Variants in NIBAN2 observed in about 807,000 individuals in gnomAD.
The protein encoded by NIBAN2 is niban apoptosis regulator 2.
In NIBAN2, 36 loss-of-function variants were observed where a neutral mutation model predicts 81.8. The observed-to-expected ratio is 0.44, with a 90% confidence interval of 0.34 to 0.58. NIBAN2 has a LOEUF of 0.58. Ranked by LOEUF, NIBAN2 falls within the 20% of genes least tolerant of loss-of-function variation. The probability of loss-of-function intolerance (pLI) is 0.02; values close to 1 mark genes in which losing one functional copy is unlikely to be tolerated. For synonymous variants in NIBAN2, 445 were observed against 441.6 expected (o/e 1.01, Z -0.10); for missense variants, 897 against 1,014.1 (o/e 0.88, Z 1.57).
Position 127,517,293 on chromosome 9 carries a change from G to A in NIBAN2, c.706-77C>T. On this transcript the variant is annotated intron_variant, in intron 6 of 13. Coordinates refer to ENST00000373312, the MANE Select transcript of NIBAN2 (RefSeq NM_022833.4). This position sits in a 1 kb window ranked among gnomAD's most constrained non-coding sequence, Gnocchi z 4.0. ...CCTGTTTCTCTCTGCATTCCCACAA[G>A]CCAGGCCGCTGCAGCCCCCACCTCC... 1 of 1,282,332 alleles carries A rather than the reference G, an allele frequency of 7.8e-7. No homozygotes were observed. The highest frequency in any genetic ancestry group is 1.3e-5 in the South Asian group (1 of 78,578). The allele number at this position is 1,282,332 out of a possible 1,614,324, so 79.4% of individuals were successfully genotyped here. A position where few individuals can be genotyped will look rare whatever the true frequency, so the allele number is the denominator to read the frequency against.
At chr9:127,553,480 CA>C (rs1466293418) in intron 1 of NIBAN2, among the ~76,000 whole-genome samples, 3 of 152,212 alleles carry the variant, frequency 2.0e-5, no homozygotes, top group East Asian at 3.8e-4. Context: ...TGCCAGGTAC[CA>C]GGGGTGGCCC....
intron 8 of NIBAN2, among the ~76,000 whole-genome samples, chr9:127,514,875 T>C (rs1397355163): frequency 2.6e-5 from 4 of 152,166 alleles, no homozygotes; most frequent in Non-Finnish European, 5.9e-5. Flanking sequence ...AAGAATAACC[T>C]ACAGGAGACC....
chr9:127,523,008 C>G (rs1328485381), intron 5 of NIBAN2, among the ~76,000 whole-genome samples: 1 of 151,016 alleles, frequency 6.6e-6, no homozygotes, highest in Non-Finnish European at 1.5e-5. Context: ...CCTTGTTGCA[C>G]ACCCAGTGCC....
intron 1 of NIBAN2, among the ~76,000 whole-genome samples, chr9:127,564,225 G>A (rs530292107): frequency 1.6e-4 from 25 of 151,516 alleles, no homozygotes; most frequent in East Asian, 1.9e-4. Flanking sequence ...CCCAGGAGGC[G>A]GAGGTTGCAA....
intron 1 of NIBAN2, among the ~76,000 whole-genome samples, chr9:127,565,439 C>T (rs979132815): frequency 4.6e-5 from 7 of 152,032 alleles, no homozygotes; most frequent in South Asian, 4.1e-4. Flanking sequence ...TACTAAAAAC[C>T]GCTGAAGTGT....
intron 1 of NIBAN2, among the ~76,000 whole-genome samples, chr9:127,541,212 G>A (rs1260881274): frequency 6.6e-6 from 1 of 152,202 alleles, no homozygotes; most frequent in Non-Finnish European, 1.5e-5. Context: ...GGGCCACACA[G>A]CACATCCAAC....
chr9:127,514,979 C>A (rs1460607300), intron 8 of NIBAN2, among the ~76,000 whole-genome samples: 1 of 152,138 alleles, frequency 6.6e-6, no homozygotes, highest in Non-Finnish European at 1.5e-5. Context: ...GCCTGGGCAA[C>A]ACAGTAAGAC....
Position 127,510,237 on chromosome 9 carries a change from C to T in NIBAN2, c.1070G>A (p.Gly357Asp). The change falls in exon 9 of 14, where the codon GGC (glycine) becomes GAC (aspartate). Residue 357 changes from glycine to aspartate, a missense_variant. Physicochemically the swap from Gly to Asp is moderately conservative, Grantham distance 94. This residue lies in a region of NIBAN2 where 619 missense variants were observed against 691.0 expected (regional missense o/e 0.90). Transcript: ENST00000373312. ...LEALMVPTSQ[G>D]FTEVRDVFFK... ...GAAGACATCTCGCACCTCAGTGAAG[C>T]CCTGGCTGGTGGGGACCATCAGGGC... 6.2e-7 allele frequency: 1 copy of T among 1,614,098 alleles called. No individual in the cohort carries two copies. Among genetic ancestry groups the T allele is most frequent in the East Asian group, 2.2e-5 (1 of 44,870 alleles).
intron 5 of NIBAN2, among the ~76,000 whole-genome samples, chr9:127,519,126 G>A (rs1461693913): frequency 7.6e-6 from 1 of 131,732 alleles, no homozygotes; most frequent in Non-Finnish European, 1.5e-5. Flanking sequence ...AGTGAGCCGA[G>A]ATTGCGCCAC....
rs1837558387 is a variant in NIBAN2 at position 127,550,609 on chromosome 9, T to C, written c.55+18211A>G. Among the ~76,000 whole-genome samples the C allele has an allele frequency of 2.6e-5, 4 of 152,224 alleles. 1 individual carries two copies. In the South Asian group the frequency reaches 8.3e-4, roughly 32 times the overall value. ...CTGCAGTTCAGTCTCCCAGTCATGT[T>C]AAGACACCAGAGGAGGATGGCATAT... On this transcript the variant is annotated intron_variant, in intron 1 of 13. Coordinates refer to ENST00000373312, the MANE Select transcript of NIBAN2 (RefSeq NM_022833.4).
At position 127,517,037 on chromosome 9, in the gene NIBAN2, G is replaced by A; in HGVS notation, c.811-18C>T. ...TCCGAGATCTGTGGGCAGAGCAGCTGAATTGGCACCAGGGCTGAGGGCACC... is the reference window on the plus strand; with the variant it reads ...TCCGAGATCTGTGGGCAGAGCAGCTAAATTGGCACCAGGGCTGAGGGCACC... On this transcript the variant is annotated intron_variant, in intron 7 of 13. Transcript: ENST00000373312. This position sits in a 1 kb window ranked among gnomAD's most constrained non-coding sequence, Gnocchi z 4.0. The A allele has an allele frequency of 6.2e-7, 1 of 1,612,148 alleles. No homozygotes were observed. Among genetic ancestry groups the A allele is most frequent in the Non-Finnish European group, 8.5e-7 (1 of 1,178,656 alleles).
At chr9:127,544,606 C>T (rs1299050098) in intron 1 of NIBAN2, among the ~76,000 whole-genome samples, 1 of 152,086 alleles carries the variant, frequency 6.6e-6, no homozygotes, top group African/African-American at 2.4e-5. Context: ...CAGGTTCAAA[C>T]AATTCTCCTG....
rs1399012025 is a variant in NIBAN2 at position 127,563,819 on chromosome 9, G to T, written c.55+5001C>A. On this transcript the variant is annotated intron_variant, in intron 1 of 13. Coordinates refer to ENST00000373312, the MANE Select transcript of NIBAN2 (RefSeq NM_022833.4). This position sits in a 1 kb window ranked among gnomAD's most constrained non-coding sequence, Gnocchi z 4.1. ...GTGAGTCACCGCGCCCAGCAGAGAG[G>T]TAAGTTTTTAAAATCACTTTGGAAA... 6.6e-6 allele frequency among the ~76,000 whole-genome samples: 1 copy of T among 152,168 alleles called. No homozygotes were observed. The highest frequency in any genetic ancestry group is 1.5e-5 in the Non-Finnish European group (1 of 68,040).
intron 1 of NIBAN2, among the ~76,000 whole-genome samples, chr9:127,546,609 G>A (rs1245761845): frequency 6.6e-6 from 1 of 152,186 alleles, no homozygotes; most frequent in Non-Finnish European, 1.5e-5. Context: ...GGGCAGGGCT[G>A]AGGACAGGAC....
chr9:127,532,911 A>C (rs1226578859), intron 1 of NIBAN2, among the ~76,000 whole-genome samples: 1 of 152,068 alleles, frequency 6.6e-6, no homozygotes. Context: ...GGTTCACAGC[A>C]CTTTGGGAGG....
chr9:127,512,399 C>T (rs964985435), intron 8 of NIBAN2, among the ~76,000 whole-genome samples: 1 of 151,470 alleles, frequency 6.6e-6, no homozygotes, highest in Non-Finnish European at 1.5e-5. Flanking sequence ...AATTCTCATG[C>T]CTCAGCCTCC....
chr9:127,547,369 T>C (rs7037896), intron 1 of NIBAN2, among the ~76,000 whole-genome samples: 7,734 of 151,178 alleles, frequency 0.051, 562 homozygotes, highest in African/African-American at 0.17. Context: ...ATACAAAAAT[T>C]AGCTAGGCAT....
intron 5 of NIBAN2, among the ~76,000 whole-genome samples, chr9:127,521,922 T>C (rs1836950678): frequency 6.6e-6 from 1 of 152,236 alleles, no homozygotes; most frequent in African/African-American, 2.4e-5. Flanking sequence ...AAGTTTATCA[T>C]CATCCCCACT....
chr9:127,572,241 T>C (rs1195835387), upstream of NIBAN2, among the ~76,000 whole-genome samples: 1 of 152,164 alleles, frequency 6.6e-6, no homozygotes, highest in Admixed American at 6.5e-5. Context: ...CTCCAACTCC[T>C]GAGCTCAAGG....
Sources: gnomAD v4.1 joint callset for allele counts (sites outside exome capture counted in the v4.1 genomes callset) on GRCh38, gnomAD v4.1.1 for gene constraint, gnomAD v4.1.1 regional missense constraint, Gnocchi (gnomAD v3.1) non-coding constraint, MANE v1.5 for transcripts, NCBI Gene and HGNC (gene_info 2026-07-23, HGNC 2026-07-21) for gene names.